The following INF2 variants were observed in gnomAD, a reference collection of about 807,000 sequenced individuals.
The protein encoded by INF2 is inverted formin-2.
Under a neutral mutation model 123.5 loss-of-function variants are expected in INF2, and 43 were observed. The ratio of observed to expected loss-of-function variants is 0.35; its 90% confidence interval spans 0.27 to 0.45. The LOEUF is 0.45. Ranked by LOEUF, INF2 falls within the 20% of genes least tolerant of loss-of-function variation. The pLI is 1.00. For missense variants in INF2, 1,453 were observed against 1,682.7 expected, an observed-to-expected ratio of 0.86 and a Z score of 2.39; for synonymous variants, 851 against 745.0, an observed-to-expected ratio of 1.14 and a Z score of -2.32.
chr14:104,685,769 A>G (rs1456694305), upstream of INF2, among the ~76,000 whole-genome samples: 1 of 140,522 alleles, frequency 7.1e-6, no homozygotes, highest in Non-Finnish European at 1.5e-5. Context: ...GGGTGGGTGC[A>G]TGGGTGGATG....
Position 104,707,731 on chromosome 14 carries a change from C to CCCACCACCT in INF2, c.1472_1480dup (p.Pro491_Pro493dup), listed in dbSNP as rs1156544381. On this transcript the variant is annotated inframe_insertion, in exon 8 of 23. Coordinates refer to ENST00000392634, the MANE Select transcript of INF2 (RefSeq NM_022489.4). ...TGCCAGGCTCCTGTGAGTTCCTGCC[C>CCCACCACCT]CCACCACCTCCACCACTCCCGGGCT... 7.5e-7 allele frequency: 1 copy of CCCACCACCT among 1,338,322 alleles called. No individual in the cohort carries two copies. Among genetic ancestry groups the CCCACCACCT allele is most frequent in the Non-Finnish European group, 1.0e-6 (1 of 968,628 alleles). The allele number at this position is 1,338,322 out of a possible 1,614,324, so 82.9% of individuals were successfully genotyped here. A position where few individuals can be genotyped will look rare whatever the true frequency, so the allele number is the denominator to read the frequency against.
At chr14:104,694,703 C>A (rs1312968426) in intron 1 of INF2, among the ~76,000 whole-genome samples, 1 of 152,124 alleles carries the variant, frequency 6.6e-6, no homozygotes, top group Non-Finnish European at 1.5e-5. Context: ...GGTAGCAGCC[C>A]CTGGCCGTGC....
At chr14:104,700,459 A>G (rs1889423053) in intron 1 of INF2, among the ~76,000 whole-genome samples, 1 of 152,018 alleles carries the variant, frequency 6.6e-6, no homozygotes, top group South Asian at 2.1e-4. Context: ...CGCTAAATAT[A>G]AGATCTAAGC....
chr14:104,700,227 G>A (rs926434165), intron 1 of INF2, among the ~76,000 whole-genome samples: 10 of 152,200 alleles, frequency 6.6e-5, no homozygotes, highest in East Asian at 1.9e-4. Context: ...CAGCCCAGCC[G>A]TGCCCAGGTG....
Position 104,712,500 on chromosome 14 carries a change from A to G in INF2, c.2557A>G (p.Lys853Glu). The G allele has an allele frequency of 6.2e-7, 1 of 1,612,670 alleles. No individual in the cohort carries two copies. The highest frequency in any genetic ancestry group is 8.5e-7 in the Non-Finnish European group (1 of 1,179,816). The stretch of plus-strand genomic sequence containing the variant: ...GAAGAAGCTTCTGGAGACCGAGCGG[A>G]AGGTGTCTGCCTCCGTGGCCGAGGT... ...NLKKLLETERKVSASVAEVQE... is the reference protein window; with the variant it reads ...NLKKLLETEREVSASVAEVQE... The change falls in exon 17 of 23, where the codon AAG becomes GAG. Residue 853 changes from lysine (K) to glutamate (E), a missense_variant. By Grantham distance (56) the Lys-to-Glu change is moderately conservative (BLOSUM62 1). Transcript: ENST00000392634.
chr14:104,683,553 G>A (rs1160132337), intron 1 of INF2, among the ~76,000 whole-genome samples: 1 of 151,978 alleles, frequency 6.6e-6, no homozygotes, highest in Non-Finnish European at 1.5e-5. Flanking sequence ...AGTCGCAGTG[G>A]TGTCCTCATT....
intron 8 of INF2, 175 bp downstream of exon 8, chr14:104,708,177 G>A: frequency 1.8e-6 from 2 of 1,088,240 alleles, no homozygotes; most frequent in Non-Finnish European, 1.3e-6. Context: ...GACGGGGGAG[G>A]AGCAGGGCAG....
In INF2 at chr14:104,707,889, A is replaced by G. The variant is rs774890461; in HGVS notation, c.1622A>G (p.Gln541Arg). The change falls in exon 8 of 23, where the codon CAG becomes CGG. Residue 541 changes from glutamine to arginine, a missense_variant. By Grantham distance (43) the Gln-to-Arg change is conservative. Coordinates refer to ENST00000392634, the MANE Select transcript of INF2 (RefSeq NM_022489.4). Reference protein sequence around the residue: ...AGGMEEVIVAQVDHGLGSAWV... With the variant: ...AGGMEEVIVARVDHGLGSAWV... ...GGCATGGAGGAGGTCATCGTGGCCC[A>G]GGTGGACCATGGCTTGGGCTCAGCA... 6 of 1,605,112 alleles carry G rather than the reference A, an allele frequency of 3.7e-6. No homozygotes were observed. Among genetic ancestry groups the G allele is most frequent in the African/African-American group, 1.3e-5 (1 of 74,622 alleles).
chr14:104,711,364 C>A (rs1456085415), intron 15 of INF2, among the ~76,000 whole-genome samples, 178 bp downstream of exon 15: 1 of 152,180 alleles, frequency 6.6e-6, no homozygotes, highest in Admixed American at 6.5e-5. Flanking sequence ...CTCCCAGCAC[C>A]CCTTCCTTCC....
chr14:104,700,999 C>A, intron 1 of INF2: 1 of 401,882 alleles, frequency 2.5e-6, no homozygotes, highest in Non-Finnish European at 3.4e-6. Flanking sequence ...CCTCCCGCTC[C>A]CCCGAGTCCT....
Position 104,707,783 on chromosome 14 carries a change from C to G in INF2, c.1516C>G (p.Leu506Val). The G allele has an allele frequency of 7.0e-7, 1 of 1,432,984 alleles. No homozygotes were observed. Among genetic ancestry groups the G allele is most frequent in the Non-Finnish European group, 9.5e-7 (1 of 1,048,104 alleles). The allele number at this position is 1,432,984 out of a possible 1,614,324, so 88.8% of individuals were successfully genotyped here. A position where few individuals can be genotyped will look rare whatever the true frequency, so the allele number is the denominator to read the frequency against. Residue 506 changes from leucine to valine, a missense_variant, in exon 8 of 23, where the codon CTG becomes GTG. Coordinates refer to ENST00000392634, the MANE Select transcript of INF2 (RefSeq NM_022489.4). ...GLGCPPPPPP[L>V]LPGMGWGPPP... is the part of the protein sequence containing the mutation. ...GGGATGCCCGCCCCCACCCCCACCC[C>G]TGCTGCCTGGTATGGGCTGGGGCCC...
chr14:104,711,568 G>T, intron 15 of INF2, 61 bp from the exon 16 acceptor site: 1 of 1,463,136 alleles, frequency 6.8e-7, no homozygotes, highest in Non-Finnish European at 9.6e-7. Flanking sequence ...AGTGGGAACA[G>T]GGTCATCCCC....
intron 8 of INF2, 46 bp downstream of exon 8, chr14:104,708,048 G>A (rs758951986): frequency 2.5e-6 from 4 of 1,597,138 alleles, no homozygotes; most frequent in South Asian, 2.2e-5. Flanking sequence ...TAGGACGGGG[G>A]CTGGTCTCTG....
Position 104,712,600 on chromosome 14 carries a change from T to TA in INF2, c.2610+48dup, listed in dbSNP as rs763970157. The TA allele has an allele frequency of 3.1e-6, 5 of 1,611,188 alleles. No homozygotes were observed. The Admixed American group carries it at 6.7e-5, about 21-fold the overall frequency. ...GGGCTGGCGGGAGAGGCTGCCCTGA[T>TA]AGAGTGAGCTGGGCGAGTGGCTGTG... On this transcript the variant is annotated intron_variant, in intron 17 of 22. Transcript: ENST00000392634.
At position 104,713,608 on chromosome 14, in the gene INF2, T is replaced by C. The variant is rs1437272364; in HGVS notation, c.3040+2T>C. The C allele has an allele frequency of 5.0e-6, 8 of 1,611,984 alleles. No individual in the cohort carries two copies. Among genetic ancestry groups the C allele is most frequent in the Non-Finnish European group, 6.8e-6 (8 of 1,179,466 alleles). ...ATCCCCCAAGAGCCACAGAGCCTGGTAAGACCCTCTCCCACTGCCTCCTCA... is the reference window on the plus strand; with the variant it reads ...ATCCCCCAAGAGCCACAGAGCCTGGCAAGACCCTCTCCCACTGCCTCCTCA... On this transcript the variant is annotated splice_donor_variant, in intron 20 of 22. Transcript: ENST00000392634. LOFTEE classifies it high-confidence loss of function.
upstream of INF2, among the ~76,000 whole-genome samples, chr14:104,687,247 G>A (rs780827946): frequency 2.6e-5 from 4 of 152,066 alleles, no homozygotes; most frequent in Admixed American, 1.3e-4. The surrounding 1 kb of genome is among the most constrained non-coding windows in gnomAD (Gnocchi z 5.6). Flanking sequence ...TCAGAATAGG[G>A]CCAGGATGGA....
At position 104,707,614 on chromosome 14, in the gene INF2, G is replaced by T. The variant is rs768397915; in HGVS notation, c.1347G>T (p.Val449=). 1 of 1,095,806 alleles carries T rather than the reference G, an allele frequency of 9.1e-7. No homozygotes were observed. Among genetic ancestry groups the T allele is most frequent in the Non-Finnish European group, 1.3e-6 (1 of 784,382 alleles). 67.9% of individuals were successfully genotyped at this position (1,095,806 alleles called of 1,614,324 possible). The change falls in exon 8 of 23, where the codon GTG becomes GTT. Residue 449 remains valine (V), a synonymous_variant. Coordinates refer to ENST00000392634, the MANE Select transcript of INF2 (RefSeq NM_022489.4). ...CCCCACCACCCCCCCTGCCCAGTGT[G>T]GGGGCTAAGGCCCTCCCAACAGCAC... ...PPPPPPPLPS[V]GAKALPTAPP...
chr14:104,709,936 C>T (rs182429896), intron 12 of INF2, among the ~76,000 whole-genome samples, 152 bp from the exon 13 acceptor site: 3 of 152,302 alleles, frequency 2.0e-5, no homozygotes, highest in Non-Finnish European at 4.4e-5. Context: ...TCCTGCTCTG[C>T]GCAGGCCCGG....
In INF2 at chr14:104,708,682, C is replaced by G. The variant is rs763044552; in HGVS notation, c.1899C>G (p.Leu633=). Residue 633 remains leucine, a synonymous_variant, in exon 10 of 23, where the codon CTC becomes CTG. Transcript: ENST00000392634. ...ARKEPKEITF[L]DAKKSLNLNI... ...GGGGGGTTTTCTAGATCACTTTCCT[C>G]GATGCCAAGAAGAGCCTGAACCTCA... 1 of 1,613,036 alleles carries G rather than the reference C, an allele frequency of 6.2e-7. No homozygotes were observed. The highest frequency in any genetic ancestry group is 8.5e-7 in the Non-Finnish European group (1 of 1,179,848).
Sources: gnomAD v4.1 joint callset for allele counts (sites outside exome capture counted in the v4.1 genomes callset) on GRCh38, gnomAD v4.1.1 for gene constraint, Gnocchi (gnomAD v3.1) non-coding constraint, MANE v1.5 for transcripts, NCBI Gene and HGNC (gene_info 2026-07-23, HGNC 2026-07-21) for gene names.